Variants in LUZP1 observed in about 807,000 individuals in gnomAD.
LUZP1 encodes the protein leucine zipper protein 1, also known as filamin mechanobinding actin cross-linking protein.
In LUZP1, 25 loss-of-function variants were observed where a neutral mutation model predicts 71.3. That is an observed-to-expected ratio of 0.35 (90% CI 0.26 to 0.49). LUZP1 has a LOEUF of 0.49. Ranked by LOEUF, LUZP1 falls within the 20% of genes least tolerant of loss-of-function variation. The pLI, the probability that LUZP1 is intolerant of heterozygous loss-of-function variation, is 0.99. For missense variants in LUZP1, 1,142 were observed against 1,300.8 expected, an observed-to-expected ratio of 0.88 and a Z score of 1.88; for synonymous variants, 481 against 506.4, an observed-to-expected ratio of 0.95 and a Z score of 0.67.
At chr1:23,150,712 G>A (rs921064452) in intron 2 of LUZP1, among the ~76,000 whole-genome samples, 9 of 152,096 alleles carry the variant, frequency 5.9e-5, no homozygotes, top group Admixed American at 5.2e-4. Flanking sequence ...AGAGGATGAG[G>A]GGAATGAAGA....
rs183711694 is a variant in LUZP1, at chr1:23,128,077, G to A, written c.-225-18950C>T. ...ACCTGGGAGGCGGAGGTTGCAGTGG[G>A]CCGAGATCACGCCGCTGCACTCCAG... On this transcript the variant is annotated intron_variant, in intron 2 of 4. Coordinates refer to ENST00000302291, the Ensembl canonical transcript of LUZP1. Among the ~76,000 whole-genome samples the A allele has an allele frequency of 7.9e-4, 120 of 152,134 alleles. 2 individuals are homozygous for A. In the South Asian group the frequency reaches 0.012, roughly 16 times the overall value.
In LUZP1 at chr1:23,174,651, A is replaced by G. The variant is rs183695484; in HGVS notation, c.-485+2840T>C. ...TTCTGCAATTTAATTTTTTACATGT[A>G]GAAGTATTACTGTGTCATCAGAAAA... On this transcript the variant is annotated intron_variant, in intron 1 of 4. Transcript: ENST00000302291. Among the ~76,000 whole-genome samples the G allele has an allele frequency of 5.9e-5, 9 of 152,298 alleles. No homozygotes were observed. In the East Asian group the frequency reaches 1.7e-3, roughly 29 times the overall value.
chr1:23,165,971 G>A (rs371344525), intron 2 of LUZP1, among the ~76,000 whole-genome samples: 21 of 138,048 alleles, frequency 1.5e-4, no homozygotes, highest in African/African-American at 5.5e-4. Context: ...TTCATCATAA[G>A]AAATAAGTAA....
At chr1:23,137,027 C>T (rs1460105984) in intron 2 of LUZP1, among the ~76,000 whole-genome samples, 1 of 152,236 alleles carries the variant, frequency 6.6e-6, no homozygotes, top group Non-Finnish European at 1.5e-5. Context: ...TGTCATATGG[C>T]AATCACTTCA....
At chr1:23,103,142 G>A (rs916000018) in intron 3 of LUZP1, among the ~76,000 whole-genome samples, 1 of 148,236 alleles carries the variant, frequency 6.7e-6, no homozygotes, top group Non-Finnish European at 1.5e-5. Context: ...TCTCTATGCT[G>A]ACCAGGCTGG....
intron 2 of LUZP1, among the ~76,000 whole-genome samples, chr1:23,158,936 CAAAAA>C (rs1165897572): frequency 1.8e-5 from 1 of 56,228 alleles, no homozygotes. Context: ...GACTCCATCT[CAAAAA>C]AAAAAAAAAA....
At chr1:23,115,345 C>T (rs1419974776) in intron 2 of LUZP1, among the ~76,000 whole-genome samples, 1 of 152,164 alleles carries the variant, frequency 6.6e-6, no homozygotes, top group Non-Finnish European at 1.5e-5. Flanking sequence ...ATCCAGCAAT[C>T]CCATCTCTAT....
At chr1:23,147,203 G>A (rs1411317564) in intron 2 of LUZP1, among the ~76,000 whole-genome samples, 1 of 151,714 alleles carries the variant, frequency 6.6e-6, no homozygotes, top group East Asian at 1.9e-4. Flanking sequence ...CACTTTGGGA[G>A]GCCGAGACGG....
chr1:23,119,275 T>TTTTTTC, intron 2 of LUZP1, among the ~76,000 whole-genome samples: 1 of 147,714 alleles, frequency 6.8e-6, no homozygotes, highest in Non-Finnish European at 1.5e-5. Flanking sequence ...TTTTTTTTTT[T>TTTTTTC]TGAGACAGGG....
intron 2 of LUZP1, among the ~76,000 whole-genome samples, chr1:23,126,936 A>C (rs1053881204): frequency 6.6e-6 from 1 of 152,354 alleles, no homozygotes; most frequent in East Asian, 1.9e-4. Flanking sequence ...CACAGGAATG[A>C]GTTGTCTTTT....
intron 2 of LUZP1, among the ~76,000 whole-genome samples, chr1:23,163,529 G>A (rs188313343): frequency 9.8e-5 from 14 of 143,138 alleles, no homozygotes; most frequent in Non-Finnish European, 1.9e-4. Flanking sequence ...ACTCCAGATC[G>A]AGAGAAAGAG....
chr1:23,103,107 AT>A (rs3051246), intron 3 of LUZP1, among the ~76,000 whole-genome samples: 116 of 145,470 alleles, frequency 8.0e-4, no homozygotes, highest in African/African-American at 2.2e-3. Context: ...AATTTTTCTC[AT>A]TTTTTTTTTT....
chr1:23,172,277 A>G (rs1644556780), intron 1 of LUZP1, among the ~76,000 whole-genome samples: 1 of 152,200 alleles, frequency 6.6e-6, no homozygotes, highest in South Asian at 2.1e-4. Context: ...AGTAAGAGTA[A>G]GTTGCCGAAT....
At chr1:23,172,505 A>T (rs981101136) in intron 1 of LUZP1, among the ~76,000 whole-genome samples, 21 of 150,612 alleles carry the variant, frequency 1.4e-4, no homozygotes, top group Admixed American at 3.3e-4. Flanking sequence ...ACAAAAAAAA[A>T]TTTTTATTTT....
chr1:23,134,884 G>A (rs1644242124), intron 2 of LUZP1, among the ~76,000 whole-genome samples: 1 of 152,124 alleles, frequency 6.6e-6, no homozygotes, highest in Non-Finnish European at 1.5e-5. Flanking sequence ...TGGTTACACA[G>A]GTAAATTGTG....
intron 2 of LUZP1, among the ~76,000 whole-genome samples, chr1:23,158,507 C>T (rs1569694145): frequency 6.6e-6 from 1 of 151,916 alleles, no homozygotes; most frequent in Non-Finnish European, 1.5e-5. Flanking sequence ...ATTAGCCAGG[C>T]ATGGTGGCAG....
intron 2 of LUZP1, among the ~76,000 whole-genome samples, chr1:23,159,323 A>G (rs1204499038): frequency 3.3e-5 from 5 of 152,152 alleles, no homozygotes; most frequent in African/African-American, 1.2e-4. Context: ...CCTGGGCTAC[A>G]GAGCGAGACT....
chr1:23,113,872 C>G (rs1232360150), intron 2 of LUZP1, among the ~76,000 whole-genome samples: 1 of 149,628 alleles, frequency 6.7e-6, no homozygotes, highest in African/African-American at 2.5e-5. Flanking sequence ...GAACGAGACT[C>G]CGTCTCAAAA....
chr1:23,092,456 T>C (rs768221112), exon 4 of LUZP1: 76 of 1,614,100 alleles, frequency 4.7e-5, no homozygotes, highest in South Asian at 6.6e-5. Flanking sequence ...GATACTTCGA[T>C]AGAACAGGAG....
Sources: gnomAD v4.1 joint callset for allele counts (sites outside exome capture counted in the v4.1 genomes callset) on GRCh38, gnomAD v4.1.1 for gene constraint, MANE v1.5 for transcripts, NCBI Gene and HGNC (gene_info 2026-07-23, HGNC 2026-07-21) for gene names.